SIPA1L1: variants seen among roughly 807,000 people sequenced by gnomAD.
The protein encoded by SIPA1L1 is signal induced proliferation associated 1 like 1, also known as signal-induced proliferation-associated 1-like protein 1.
Under a neutral mutation model 162.7 loss-of-function variants are expected in SIPA1L1, and 26 were observed. The ratio of observed to expected loss-of-function variants is 0.16; its 90% CI spans 0.12 to 0.22. The LOEUF is 0.22. SIPA1L1 is among the 10% of genes least tolerant of loss of function. SIPA1L1 has a pLI of 1.00. For missense variants in SIPA1L1, 1,874 were observed against 2,241.0 expected (o/e 0.84, Z 3.31); for synonymous variants, 829 against 837.4 (o/e 0.99, Z 0.17).
rs143958400 is a variant in SIPA1L1, at chr14:71,494,872, C to T, written c.-464-17871C>T. ...GTCAGGCTGGTCTCAAACTCCTGAC[C>T]TCGTGATCCACCTGCCTTGGCCTTC... On this transcript the variant is annotated intron_variant, in intron 2 of 23. Coordinates refer to ENST00000381232, the MANE Select transcript of SIPA1L1 (RefSeq NM_001386936.1). 5.9e-5 allele frequency among the ~76,000 whole-genome samples: 9 copies of T among 152,172 alleles called. No individual in the cohort carries two copies. The East Asian group carries it at 1.7e-3, about 29-fold the overall frequency.
chr14:71,609,697 C>T (rs146723938), intron 5 of SIPA1L1, among the ~76,000 whole-genome samples: 1 of 151,992 alleles, frequency 6.6e-6, no homozygotes, highest in Non-Finnish European at 1.5e-5. Flanking sequence ...CAACTCCTGA[C>T]CTCAAGCAAT....
At chr14:71,460,286 T>C (rs1374999937) in intron 2 of SIPA1L1, among the ~76,000 whole-genome samples, 1 of 152,202 alleles carries the variant, frequency 6.6e-6, no homozygotes, top group Admixed American at 6.5e-5. Flanking sequence ...GTCGTGGTTT[T>C]CTTTCCTGGT....
At chr14:71,709,052 C>G (rs1000814016) in intron 16 of SIPA1L1, among the ~76,000 whole-genome samples, 170 bp from the exon 17 acceptor site, 3 of 151,610 alleles carry the variant, frequency 2.0e-5, no homozygotes, top group African/African-American at 7.3e-5. Flanking sequence ...ATGGATACTT[C>G]TGAATGGACC....
At chr14:71,590,162 G>T (rs2035200158) in intron 5 of SIPA1L1, among the ~76,000 whole-genome samples, 1 of 148,206 alleles carries the variant, frequency 6.7e-6, no homozygotes, top group Admixed American at 6.8e-5. Context: ...TTTTAAGAAA[G>T]ACCATTGTGA....
At chr14:71,515,178 T>C (rs2051582591) in intron 3 of SIPA1L1, among the ~76,000 whole-genome samples, 2 of 152,234 alleles carry the variant, frequency 1.3e-5, no homozygotes, top group Non-Finnish European at 2.9e-5. Flanking sequence ...TCAGGCCAAA[T>C]ACACAGTTGT....
chr14:71,621,914 TAATA>T (rs1312757296), intron 6 of SIPA1L1, among the ~76,000 whole-genome samples: 1 of 152,230 alleles, frequency 6.6e-6, no homozygotes, highest in African/African-American at 2.4e-5. Flanking sequence ...TTCTCTCTAA[TAATA>T]AATAATCCAT....
At chr14:71,689,464 A>C (rs2081097605) in intron 13 of SIPA1L1, among the ~76,000 whole-genome samples, 1 of 152,218 alleles carries the variant, frequency 6.6e-6, no homozygotes, top group South Asian at 2.1e-4. Flanking sequence ...CTAGAGCTTA[A>C]GGGTAGGATT....
rs565982621 is a variant in SIPA1L1, at chr14:71,676,274, G to A, written c.3104+3652G>A. Among the ~76,000 whole-genome samples, 387 of 151,320 alleles carry A rather than the reference G, an allele frequency of 2.6e-3. 1 individual carries two copies. The highest frequency in any genetic ancestry group is 6.3e-3 in the East Asian group (32 of 5,088). ...GCCATTGCACTCCAGCCTGGGCGAC[G>A]GAGGTAGACTCCATCTCAAAAAAAT... On this transcript the variant is annotated intron_variant, in intron 12 of 23. Transcript: ENST00000381232.
At chr14:71,340,600 C>T (rs1285762587) in intron 2 of SIPA1L1, among the ~76,000 whole-genome samples, 3 of 152,178 alleles carry the variant, frequency 2.0e-5, no homozygotes, top group Non-Finnish European at 4.4e-5. Context: ...CCCTAACTTT[C>T]TGATGCTCTC....
intron 23 of SIPA1L1, among the ~76,000 whole-genome samples, chr14:71,738,657 A>G (rs2085540145): frequency 6.6e-6 from 1 of 152,234 alleles, no homozygotes; most frequent in African/African-American, 2.4e-5. Context: ...CTTTTGCACC[A>G]AAAGAACTGA....
rs574734216 is a variant in SIPA1L1 at position 71,524,945 on chromosome 14, A to C, written c.-361-4367A>C. ...ATTTCCATTCTTACCTCTATGGGAA[A>C]ACTTCCTTTCCTTTTTTTCTTTTCA... On this transcript the variant is annotated intron_variant, in intron 3 of 23. Coordinates refer to ENST00000381232, the MANE Select transcript of SIPA1L1 (RefSeq NM_001386936.1). 4.6e-5 allele frequency among the ~76,000 whole-genome samples: 7 copies of C among 152,064 alleles called. No individual in the cohort carries two copies. The South Asian group carries it at 1.5e-3, about 32-fold the overall frequency.
chr14:71,631,005 A>G (rs562743693), intron 7 of SIPA1L1, among the ~76,000 whole-genome samples: 1 of 152,048 alleles, frequency 6.6e-6, no homozygotes, highest in Non-Finnish European at 1.5e-5. Context: ...CATTTCTCCC[A>G]ATGCTATCCC....
intron 2 of SIPA1L1, among the ~76,000 whole-genome samples, chr14:71,478,692 C>T (rs1408334183): frequency 6.6e-6 from 1 of 152,180 alleles, no homozygotes; most frequent in Non-Finnish European, 1.5e-5. Context: ...ATGACTTCCT[C>T]CTTCCCTGGG....
intron 15 of SIPA1L1, among the ~76,000 whole-genome samples, chr14:71,704,220 G>A (rs1487347290): frequency 6.6e-6 from 1 of 152,210 alleles, no homozygotes; most frequent in Non-Finnish European, 1.5e-5. Flanking sequence ...GCTGGTATAA[G>A]CCATTCCAGG....
chr14:71,593,923 G>C (rs2035723907), intron 5 of SIPA1L1, among the ~76,000 whole-genome samples: 1 of 152,208 alleles, frequency 6.6e-6, no homozygotes, highest in Non-Finnish European at 1.5e-5. Flanking sequence ...CTGCCCAGGA[G>C]AAACACAGTA....
At chr14:71,525,676 A>G (rs1406812857) in intron 3 of SIPA1L1, among the ~76,000 whole-genome samples, 2 of 152,166 alleles carry the variant, frequency 1.3e-5, no homozygotes, top group Non-Finnish European at 2.9e-5. Context: ...TGTCTATTTA[A>G]TCTGTTAGAT....
At chr14:71,685,329 A>G (rs2046194733) in intron 12 of SIPA1L1, 33 bp from the exon 13 acceptor site, 3 of 1,608,420 alleles carry the variant, frequency 1.9e-6, no homozygotes, top group African/African-American at 1.3e-5. Context: ...AGCAGTATCC[A>G]TTGTGTTTCT....
At position 71,671,615 on chromosome 14, in the gene SIPA1L1, T is replaced by C. The variant is rs148266566; in HGVS notation, c.2752T>C (p.Tyr918His). 8.5e-5 allele frequency: 137 copies of C among 1,614,178 alleles called. No homozygotes were observed. In the East Asian group the frequency reaches 3.0e-3, roughly 35 times the overall value. Residue 918 changes from tyrosine to histidine, a missense_variant, in exon 11 of 24, where the codon TAT becomes CAT. This residue lies in a region of SIPA1L1 where 243 missense variants were observed against 315.0 expected (regional missense o/e 0.77). Coordinates refer to ENST00000381232, the MANE Select transcript of SIPA1L1 (RefSeq NM_001386936.1). ...TSTDTSLKIF[Y>H]ERGECVSVGS... ...AACTGACACCAGCCTCAAAATCTTC[T>C]ATGAACGAGGAGAATGTGTTTCAGT...
chr14:71,508,486 A>G (rs2050856803), intron 2 of SIPA1L1, among the ~76,000 whole-genome samples: 1 of 152,180 alleles, frequency 6.6e-6, no homozygotes, highest in South Asian at 2.1e-4. Flanking sequence ...AAGTTTGTAC[A>G]TGTTTATAAG....
Sources: gnomAD v4.1 joint callset for allele counts (sites outside exome capture counted in the v4.1 genomes callset) on GRCh38, gnomAD v4.1.1 for gene constraint, gnomAD v4.1.1 regional missense constraint, MANE v1.5 for transcripts, NCBI Gene and HGNC (gene_info 2026-07-23, HGNC 2026-07-21) for gene names.